The following PHLPP2 variants were observed in gnomAD, a reference collection of about 807,000 sequenced individuals.
PHLPP2 encodes the protein PH domain and leucine rich repeat protein phosphatase 2, also known as PH domain leucine-rich repeat-containing protein phosphatase 2.
A neutral mutation model predicts 124.9 loss-of-function variants in PHLPP2; 66 were observed. The observed-to-expected ratio is 0.53, with a 90% CI of 0.43 to 0.65. The LOEUF is 0.65. PHLPP2 is among the 30% of genes least tolerant of loss of function. The probability of loss-of-function intolerance (pLI) is 0.00; values close to 1 mark genes in which losing one functional copy is unlikely to be tolerated. For synonymous variants in PHLPP2, 681 were observed against 624.7 expected (o/e 1.09, Z -1.34); for missense variants, 1,685 against 1,600.4 (o/e 1.05, Z -0.90).
At chr16:71,671,355 C>A (rs1334501583) in intron 10 of PHLPP2, among the ~76,000 whole-genome samples, 1 of 152,034 alleles carries the variant, frequency 6.6e-6, no homozygotes, top group African/African-American at 2.4e-5. Flanking sequence ...TTCACAACAA[C>A]CCTGACCAAA....
At chr16:71,652,086 A>G (rs1220075394) in intron 18 of PHLPP2, among the ~76,000 whole-genome samples, 1 of 152,242 alleles carries the variant, frequency 6.6e-6, no homozygotes, top group East Asian at 1.9e-4. Context: ...AAAAGAATGG[A>G]AAGACAAGCC....
chr16:71,652,653 A>G (rs2044704749), intron 18 of PHLPP2, 137 bp downstream of exon 18: 3 of 632,358 alleles, frequency 4.7e-6, no homozygotes, highest in East Asian at 2.7e-5. Context: ...TGCTGAAACC[A>G]TCTGCATTGA....
chr16:71,704,030 A>C (rs2045254783), intron 2 of PHLPP2, among the ~76,000 whole-genome samples: 1 of 152,172 alleles, frequency 6.6e-6, no homozygotes, highest in African/African-American at 2.4e-5. Flanking sequence ...CTGTTCAGAA[A>C]ACTTAAGAAT....
chr16:71,694,636 A>G (rs2045150463), intron 3 of PHLPP2, among the ~76,000 whole-genome samples: 1 of 152,170 alleles, frequency 6.6e-6, no homozygotes, highest in African/African-American at 2.4e-5. Context: ...CCTTTAAATC[A>G]ATATGAAAAA....
intron 7 of PHLPP2, 35 bp from the exon 8 acceptor site, chr16:71,679,020 A>G (rs201333912): frequency 1.7e-6 from 2 of 1,196,514 alleles, no homozygotes; most frequent in African/African-American, 3.0e-5. Context: ...CTACTTTATG[A>G]AAGGTTTCAC....
At chr16:71,664,127 T>TC (rs778264484) in intron 12 of PHLPP2, 28 bp from the exon 13 acceptor site, 2 of 1,491,538 alleles carry the variant, frequency 1.3e-6, no homozygotes, top group Admixed American at 3.3e-5. Context: ...GATCATCACC[T>TC]CCTTTAAGTT....
In PHLPP2 at chr16:71,678,918, G is replaced by A; in HGVS notation, c.1105C>T (p.Gln369Ter). 1 of 1,612,812 alleles carries A rather than the reference G, an allele frequency of 6.2e-7. No individual in the cohort carries two copies. Among genetic ancestry groups the A allele is most frequent in the African/African-American group, 1.3e-5 (1 of 75,004 alleles). The change falls in exon 8 of 19, where the codon CAG becomes TAG. Residue 369 changes from glutamine (Q) to a stop codon, truncating the protein, a stop_gained. Coordinates refer to ENST00000568954, the MANE Select transcript of PHLPP2 (RefSeq NM_015020.3). LOFTEE classifies it high-confidence loss of function. ...TLPEELGNLQ[Q>*]LSSLGISFNN... ...AAGGAAATTCCCAAGGAGGAAAGCT[G>A]TTGTAGATTTCCCAATTCTTCAGGT...
At chr16:71,658,950 A>T (rs910774445) in intron 13 of PHLPP2, 135 bp from the exon 14 acceptor site, 2 of 707,208 alleles carry the variant, frequency 2.8e-6, no homozygotes, top group Non-Finnish European at 4.8e-6. Context: ...AATGAAACCG[A>T]TACCAGGAAT....
intron 8 of PHLPP2, 101 bp from the exon 9 acceptor site, chr16:71,676,750 GT>G: frequency 1.2e-6 from 1 of 861,344 alleles, no homozygotes; most frequent in Non-Finnish European, 1.8e-6. Flanking sequence ...CCCTTTCTCT[GT>G]TTACTTTTTT....
chr16:71,674,477 T>C (rs1028159487), intron 9 of PHLPP2, among the ~76,000 whole-genome samples: 9 of 152,058 alleles, frequency 5.9e-5, no homozygotes, highest in Non-Finnish European at 2.9e-5. Context: ...TATTCTTTCA[T>C]AGTTATGGCA....
At chr16:71,650,170 T>C (rs2044686678) in intron 18 of PHLPP2, 126 bp from the exon 19 acceptor site, 1 of 681,532 alleles carries the variant, frequency 1.5e-6, no homozygotes, top group South Asian at 2.0e-5. Context: ...TATGGATTAG[T>C]ATAATTTTAA....
At chr16:71,719,592 C>T (rs958499452) in intron 1 of PHLPP2, among the ~76,000 whole-genome samples, 2 of 151,474 alleles carry the variant, frequency 1.3e-5, no homozygotes, top group Admixed American at 1.3e-4. Context: ...ACATACTTTG[C>T]TCAACACCCA....
intron 17 of PHLPP2, 193 bp downstream of exon 17, chr16:71,655,047 T>C: frequency 3.8e-6 from 2 of 524,004 alleles, no homozygotes; most frequent in South Asian, 3.2e-5. Flanking sequence ...AGAAAACAGA[T>C]GACCCCCACA....
At chr16:71,666,459 G>A (rs1482604539) in intron 12 of PHLPP2, among the ~76,000 whole-genome samples, 2 of 152,218 alleles carry the variant, frequency 1.3e-5, no homozygotes, top group African/African-American at 4.8e-5. Context: ...GCTGCAGTGA[G>A]CTATGATTGC....
rs748004499 is a variant in PHLPP2, at chr16:71,649,781, C to A, written c.3081G>T (p.Gly1027=). Residue 1027 remains glycine (G), a synonymous_variant, in exon 19 of 19, where the codon GGG becomes GGT. Coordinates refer to ENST00000568954, the MANE Select transcript of PHLPP2 (RefSeq NM_015020.3). ...AQSYGCQDNV[G]AMVVYLNIGE... The stretch of plus-strand genomic sequence containing the variant: ...CAATATTCAAATAAACTACCATCGC[C>A]CCTACATTGTCCTGACAGCCATAGC... The A allele has an allele frequency of 6.2e-7, 1 of 1,614,252 alleles. No homozygotes were observed. Among genetic ancestry groups the A allele is most frequent in the East Asian group, 2.2e-5 (1 of 44,896 alleles).
chr16:71,676,472 A>G lies in PHLPP2; in HGVS notation c.1446T>C (p.Leu482=). The change falls in exon 9 of 19, where the codon CTT becomes CTC. Residue 482 remains leucine, a synonymous_variant. Coordinates refer to ENST00000568954, the MANE Select transcript of PHLPP2 (RefSeq NM_015020.3). ...TGTTGGAACTGGCATAGAGGGTCCG[A>G]AGGGAAAAGCCACTGAGTGTTAGCT... ...LRELTLSGFS[L]RTLYASSNRL... is the part of the protein sequence containing the mutation. 6.2e-7 allele frequency: 1 copy of G among 1,614,058 alleles called. No individual in the cohort carries two copies. The highest frequency in any genetic ancestry group is 8.5e-7 in the Non-Finnish European group (1 of 1,179,894).
At chr16:71,654,623 C>A (rs760932922) in intron 17 of PHLPP2, among the ~76,000 whole-genome samples, 1 of 152,138 alleles carries the variant, frequency 6.6e-6, no homozygotes, top group Non-Finnish European at 1.5e-5. Context: ...ATGGGGTAAG[C>A]GTTCTGAGCA....
chr16:71,676,376 G>A (rs1451529394), intron 9 of PHLPP2, 71 bp downstream of exon 9: 9 of 1,203,606 alleles, frequency 7.5e-6, no homozygotes, highest in South Asian at 6.4e-5. Context: ...AACACCACAG[G>A]TGCCACTGTT....
intron 3 of PHLPP2, among the ~76,000 whole-genome samples, chr16:71,696,460 AACCCTGTCTCT>A (rs1453920965): frequency 2.0e-5 from 3 of 152,208 alleles, no homozygotes; most frequent in African/African-American, 4.8e-5. Context: ...AACATGGTGA[AACCCTGTCTCT>A]ACTAAAAATA....
Sources: gnomAD v4.1 joint callset for allele counts (sites outside exome capture counted in the v4.1 genomes callset) on GRCh38, gnomAD v4.1.1 for gene constraint, MANE v1.5 for transcripts, NCBI Gene and HGNC (gene_info 2026-07-23, HGNC 2026-07-21) for gene names.